Variants in RET observed in about 807,000 individuals in gnomAD.
RET encodes the protein proto-oncogene tyrosine-protein kinase receptor Ret.
In RET, 19 loss-of-function variants were observed where a neutral mutation model predicts 118.3. The observed-to-expected ratio is 0.16, with a 90% CI of 0.11 to 0.24. The LOEUF (loss-of-function observed/expected upper bound fraction) is 0.24, where lower values mean the gene tolerates loss of function less well. RET is among the 10% of genes least tolerant of loss of function. The probability of loss-of-function intolerance (pLI) is 1.00; values close to 1 mark genes in which losing one functional copy is unlikely to be tolerated. For missense variants in RET, 1,219 were observed against 1,502.1 expected, an observed-to-expected ratio of 0.81 and a Z score of 3.12; for synonymous variants, 597 against 644.1, an observed-to-expected ratio of 0.93 and a Z score of 1.11.
rs1367574614 is a variant in RET, at chr10:43,126,662, T to G, written c.3127T>G (p.Cys1043Gly). The G allele has an allele frequency of 4.3e-6, 7 of 1,614,004 alleles. No individual in the cohort carries two copies. The highest frequency in any genetic ancestry group is 1.1e-5 in the South Asian group (1 of 91,082). ...LSEEETPLVD[C>G]NNAPLPRALP... ...AGAGGAGGAGACACCGCTGGTGGAC[T>G]GTAATAATGCCCCCCTCCCTCGAGC... Residue 1043 changes from cysteine (C) to glycine (G), a missense_variant, in exon 19 of 20, where the codon TGT (cysteine) becomes GGT (glycine). Physicochemically the swap from Cys to Gly is radical, Grantham distance 159. This residue lies in a region of RET where 174 missense variants were observed against 179.3 expected (regional missense o/e 0.97). Transcript: ENST00000355710.
intron 1 of RET, among the ~76,000 whole-genome samples, chr10:43,088,762 C>T (rs1227717767): frequency 1.3e-5 from 2 of 152,150 alleles, no homozygotes; most frequent in Admixed American, 1.3e-4. Flanking sequence ...AGATGGAGTC[C>T]ACAGCCTTGC....
chr10:43,115,452 C>A (rs900994268), intron 11 of RET, among the ~76,000 whole-genome samples: 1 of 152,352 alleles, frequency 6.6e-6, no homozygotes, highest in African/African-American at 2.4e-5. Flanking sequence ...ACCCAGCCCT[C>A]GGTAAGGGTG....
intron 12 of RET, among the ~76,000 whole-genome samples, chr10:43,117,872 G>A (rs1838109012): frequency 6.6e-6 from 1 of 152,280 alleles, no homozygotes; most frequent in African/African-American, 2.4e-5. Context: ...GTGTGTGACG[G>A]ATACATCAGC....
intron 1 of RET, among the ~76,000 whole-genome samples, chr10:43,077,904 A>G (rs1440519298): frequency 6.6e-6 from 1 of 152,144 alleles, no homozygotes; most frequent in East Asian, 1.9e-4. Context: ...TTAAACACCT[A>G]AAAACCGTGG....
chr10:43,086,053 A>G (rs2506006), intron 1 of RET, among the ~76,000 whole-genome samples: 118,821 of 152,154 alleles, frequency 0.78, 47,304 homozygotes, highest in African/African-American at 0.93. Flanking sequence ...CTGCAGCCCA[A>G]TGCAGAAGGG....
rs1047018953 is a variant in RET at position 43,106,745 on chromosome 10, C to T, written c.1063+174C>T. On this transcript the variant is annotated intron_variant, in intron 5 of 19. Transcript: ENST00000355710. This position sits in a 1 kb window ranked among gnomAD's most constrained non-coding sequence, Gnocchi z 5.1. ...CCTGTGTCTCTGCCAGGCCTGCCCT[C>T]CAGCCACCAGCAGGGCTTTCACCAT... Among the ~76,000 whole-genome samples the T allele has an allele frequency of 3.9e-5, 6 of 152,158 alleles. No individual in the cohort carries two copies. Among genetic ancestry groups the T allele is most frequent in the Non-Finnish European group, 7.4e-5 (5 of 68,010 alleles).
chr10:43,129,739 G>C lies in RET; in HGVS notation c.*1470G>C. 2.6e-6 allele frequency: 1 copy of C among 385,690 alleles called. No individual in the cohort carries two copies. Among genetic ancestry groups the C allele is most frequent in the Non-Finnish European group, 4.6e-6 (1 of 218,108 alleles). The allele number at this position is 385,690 out of a possible 1,614,324, so 23.9% of individuals were successfully genotyped here. ...AAACAGCAAAATTGTGGCATTTTGT[G>C]AGGCCAAGGCTTGGATGCGTGTGTA... On this transcript the variant is annotated 3_prime_UTR_variant, in exon 20 of 20. Coordinates refer to ENST00000355710, the MANE Select transcript of RET (RefSeq NM_020975.6).
At chr10:43,118,176 G>A (rs2132925151) in intron 12 of RET, among the ~76,000 whole-genome samples, 197 bp from the exon 13 acceptor site, 1 of 152,324 alleles carries the variant, frequency 6.6e-6, no homozygotes, top group African/African-American at 2.4e-5. Flanking sequence ...TGGCTCCTCA[G>A]GGTGCTTCTT....
intron 9 of RET, 108 bp downstream of exon 9, chr10:43,113,071 C>A: frequency 1.2e-6 from 1 of 862,986 alleles, no homozygotes; most frequent in Non-Finnish European, 1.9e-6. Context: ...TTCTATGCAT[C>A]AAGCTGAGCC....
chr10:43,090,971 C>A (rs756162051), intron 1 of RET, among the ~76,000 whole-genome samples: 1 of 151,586 alleles, frequency 6.6e-6, no homozygotes, highest in African/African-American at 2.4e-5. Context: ...AGATACTGGC[C>A]GTGCCCAGGT....
At chr10:43,107,006 A>C (rs1213696184) in intron 5 of RET, among the ~76,000 whole-genome samples, 6 of 152,240 alleles carry the variant, frequency 3.9e-5, no homozygotes, top group African/African-American at 1.4e-4. Context: ...GCCCCGAGCC[A>C]GGTCAGGGCT....
intron 1 of RET, among the ~76,000 whole-genome samples, chr10:43,094,384 G>A (rs1057217335): frequency 1.3e-5 from 2 of 151,838 alleles, no homozygotes; most frequent in African/African-American, 2.4e-5. Flanking sequence ...GGGTTCTGCA[G>A]GAAGGGCCTG....
In RET at chr10:43,112,044, C is replaced by T. The variant is rs184983801; in HGVS notation, c.1523-55C>T. ...GCTGTTCCCTGTCCTTGGGCACTAG[C>T]TGGACGCTGGGCCCAGGCCAGCCCC... On this transcript the variant is annotated intron_variant, in intron 7 of 19. Coordinates refer to ENST00000355710, the MANE Select transcript of RET (RefSeq NM_020975.6). The T allele has an allele frequency of 3.2e-6, 5 of 1,560,928 alleles. No homozygotes were observed. In the East Asian group the frequency reaches 1.2e-4, roughly 37 times the overall value.
chr10:43,115,269 G>A (rs532164079), intron 11 of RET, among the ~76,000 whole-genome samples: 11 of 152,348 alleles, frequency 7.2e-5, no homozygotes, highest in Non-Finnish European at 1.3e-4. Context: ...TTATGGTGGC[G>A]TGAATAGCTC....
intron 3 of RET, 102 bp from the exon 4 acceptor site, chr10:43,104,850 G>A (rs1295816942): frequency 2.0e-6 from 3 of 1,496,080 alleles, no homozygotes; most frequent in East Asian, 2.5e-5. Context: ...GGGCCGCGGC[G>A]GTGTGCGCCC....
At chr10:43,126,827 CAA>C in intron 19 of RET, 105 bp downstream of exon 19, 1 of 1,528,182 alleles carries the variant, frequency 6.5e-7, no homozygotes, top group African/African-American at 1.4e-5. Flanking sequence ...TGAACAAAAC[CAA>C]AGTCTGCTCT....
intron 7 of RET, 118 bp from the exon 8 acceptor site, chr10:43,111,981 G>C (rs560224653): frequency 1.4e-6 from 2 of 1,418,292 alleles, no homozygotes; most frequent in East Asian, 5.0e-5. Flanking sequence ...CTGTCACTCC[G>C]GTCCCCTTGG....
chr10:43,110,874 G>A (rs1837900653), intron 6 of RET, among the ~76,000 whole-genome samples: 1 of 152,208 alleles, frequency 6.6e-6, no homozygotes, highest in Non-Finnish European at 1.5e-5. Flanking sequence ...AGTGAGGGAG[G>A]AAAGGGGAGT....
chr10:43,098,356 T>C (rs1358158151), intron 1 of RET, among the ~76,000 whole-genome samples: 1 of 152,178 alleles, frequency 6.6e-6, no homozygotes, highest in African/African-American at 2.4e-5. Context: ...TGCAATGGGC[T>C]TATTTCACTT....
Sources: gnomAD v4.1 joint callset for allele counts (sites outside exome capture counted in the v4.1 genomes callset) on GRCh38, gnomAD v4.1.1 for gene constraint, gnomAD v4.1.1 regional missense constraint, Gnocchi (gnomAD v3.1) non-coding constraint, MANE v1.5 for transcripts, NCBI Gene and HGNC (gene_info 2026-07-23, HGNC 2026-07-21) for gene names.